Variants in FRY observed in about 807,000 individuals in gnomAD.
FRY encodes protein furry homolog.
FRY carries 128 observed loss-of-function variants against 348.4 expected under a neutral mutation model. The ratio of observed to expected loss-of-function variants is 0.37; its 90% CI spans 0.32 to 0.43. FRY has a LOEUF of 0.43. Ranked by LOEUF, FRY falls within the 20% of genes least tolerant of loss-of-function variation. The probability of loss-of-function intolerance (pLI) is 1.00; values close to 1 mark genes in which losing one functional copy is unlikely to be tolerated. For missense variants in FRY, 2,736 were observed against 3,695.2 expected (o/e 0.74, Z 6.73); for synonymous variants, 1,370 against 1,374.7 (o/e 1.00, Z 0.08).
In FRY at chr13:32,208,964, C is replaced by T. The variant is rs752058159; in HGVS notation, c.4130C>T (p.Pro1377Leu). 1.1e-5 allele frequency: 18 copies of T among 1,614,124 alleles called. No individual in the cohort carries two copies. Among genetic ancestry groups the T allele is most frequent in the East Asian group, 2.2e-5 (1 of 44,878 alleles). The change falls in exon 32 of 61, where the codon CCG (proline) becomes CTG (leucine). Residue 1377 changes from proline to leucine, a missense_variant. Pro to Leu is a moderately conservative substitution (Grantham distance 98). Around this residue, in one of 9 missense-constraint regions of FRY, gnomAD observed 794 missense variants for 977.0 expected, o/e 0.81. Transcript: ENST00000542859. Reference sequence around the variant, plus strand: ...CTGGTGGACAGCAGGCTCCTCCTCCCGGGGTCGAGCCCCAGCAGCCCAGAG... The same window carrying T: ...CTGGTGGACAGCAGGCTCCTCCTCCTGGGGTCGAGCCCCAGCAGCCCAGAG... ...IELVDSRLLL[P>L]GSSPSSPEDE...
At chr13:32,236,425 TG>T (rs777263830) in intron 43 of FRY, among the ~76,000 whole-genome samples, 1 of 152,196 alleles carries the variant, frequency 6.6e-6, no homozygotes, top group Non-Finnish European at 1.5e-5. Context: ...TATCTCTGAA[TG>T]ATAAAATATT....
Position 32,295,477 on chromosome 13 carries a change from C to A in FRY, c.*17C>A. ...AGTCTCTGACAGGAGCCTCCTGTCC[C>A]CACTGGGTTCCAAACTGGCAGTGCT... On this transcript the variant is annotated 3_prime_UTR_variant, in exon 61 of 61. Transcript: ENST00000542859. 6.2e-7 allele frequency: 1 copy of A among 1,606,500 alleles called. No homozygotes were observed. Among genetic ancestry groups the A allele is most frequent in the Non-Finnish European group, 8.5e-7 (1 of 1,178,382 alleles).
chr13:32,245,058 T>C (rs1886712816), intron 47 of FRY, among the ~76,000 whole-genome samples: 2 of 152,126 alleles, frequency 1.3e-5, no homozygotes, highest in South Asian at 4.1e-4. Context: ...CAAGCGATCC[T>C]TCTGCCTCAA....
At chr13:32,097,948 A>T (rs1025574648) in intron 2 of FRY, among the ~76,000 whole-genome samples, 12 of 147,346 alleles carry the variant, frequency 8.1e-5, no homozygotes, top group African/African-American at 2.4e-4. Context: ...AGTATTTTTA[A>T]AAAAATTTAA....
At position 32,179,006 on chromosome 13, in the gene FRY, T is replaced by C. The variant is rs780716554; in HGVS notation, c.2844T>C (p.Pro948=). The change falls in exon 22 of 61, where the codon CCT becomes CCC. Residue 948 remains proline (P), a synonymous_variant. Coordinates refer to ENST00000542859, the MANE Select transcript of FRY (RefSeq NM_023037.3). ...ASTPEIMATT[P]DGTVSYDNKA... ...CTCCAGAAATAATGGCGACCACACC[T>C]GATGGTACAGTGAGCTACGATAACA... 2 of 1,613,760 alleles carry C rather than the reference T, an allele frequency of 1.2e-6. No individual in the cohort carries two copies. The highest frequency in any genetic ancestry group is 1.7e-6 in the Non-Finnish European group (2 of 1,179,686).
At position 32,295,647 on chromosome 13, in the gene FRY, G is replaced by A; in HGVS notation, c.*187G>A. The A allele has an allele frequency of 1.6e-6, 1 of 623,592 alleles. No individual in the cohort carries two copies. Among genetic ancestry groups the A allele is most frequent in the Non-Finnish European group, 2.9e-6 (1 of 349,642 alleles). 38.6% of individuals were successfully genotyped at this position (623,592 alleles called of 1,614,324 possible). A position where few individuals can be genotyped will look rare whatever the true frequency, so the allele number is the denominator to read the frequency against. On this transcript the variant is annotated 3_prime_UTR_variant, in exon 61 of 61. Coordinates refer to ENST00000542859, the MANE Select transcript of FRY (RefSeq NM_023037.3). ...TAGCAATACTATAAGAACCAAGGTA[G>A]CTTAGAACGTCCTGGACAGACTCCA... is the stretch of plus-strand genomic sequence containing the variant.
At chr13:32,152,869 T>C (rs9595030) in intron 14 of FRY, among the ~76,000 whole-genome samples, 3,658 of 152,214 alleles carry the variant, frequency 0.024, 149 homozygotes, top group African/African-American at 0.083. Flanking sequence ...ATCTGACAAA[T>C]GACTTCCATC....
At chr13:32,151,945 T>G (rs1233115036) in intron 14 of FRY, among the ~76,000 whole-genome samples, 1 of 152,242 alleles carries the variant, frequency 6.6e-6, no homozygotes, top group East Asian at 1.9e-4. Flanking sequence ...AAGAAGTCTG[T>G]AGGATACAAG....
At chr13:32,279,866 T>C (rs991049548) in intron 58 of FRY, among the ~76,000 whole-genome samples, 7 of 152,190 alleles carry the variant, frequency 4.6e-5, no homozygotes, top group African/African-American at 1.7e-4. Context: ...AGTAACATTG[T>C]CCATGCCAGC....
At chr13:32,099,785 T>A (rs1272043722) in intron 2 of FRY, among the ~76,000 whole-genome samples, 2 of 151,906 alleles carry the variant, frequency 1.3e-5, no homozygotes, top group Non-Finnish European at 1.5e-5. Flanking sequence ...TCTCAAAATG[T>A]CAATAATGTC....
At position 32,179,726 on chromosome 13, in the gene FRY, A is replaced by T; in HGVS notation, c.2923A>T (p.Met975Leu). The T allele has an allele frequency of 6.2e-7, 1 of 1,613,710 alleles. No individual in the cohort carries two copies. The highest frequency in any genetic ancestry group is 8.5e-7 in the Non-Finnish European group (1 of 1,179,604). The change falls in exon 23 of 61, where the codon ATG becomes TTG. Residue 975 changes from methionine to leucine, a missense_variant. Met to Leu is a conservative substitution (Grantham distance 15, BLOSUM62 2). Transcript: ENST00000542859. ...TCTGTTAAAGCAGTTGGTGCCTTTG[A>T]TGAGACTAGAGAGCATTGAGATCAC... The part of the protein sequence containing the change: ...GVLLKQLVPL[M>L]RLESIEITES...
intron 26 of FRY, among the ~76,000 whole-genome samples, chr13:32,185,927 C>G (rs1365492960): frequency 6.6e-6 from 1 of 152,136 alleles, no homozygotes; most frequent in African/African-American, 2.4e-5. Context: ...AGATGGGCAG[C>G]AGTCAAAAAA....
At chr13:32,104,108 T>C in intron 3 of FRY, among the ~76,000 whole-genome samples, 1 of 152,202 alleles carries the variant, frequency 6.6e-6, no homozygotes, top group East Asian at 1.9e-4. Flanking sequence ...CTTTATCCTC[T>C]GAGAAAATCG....
chr13:32,097,323 A>G (rs1186677031), intron 2 of FRY, among the ~76,000 whole-genome samples: 1 of 151,154 alleles, frequency 6.6e-6, no homozygotes, highest in Non-Finnish European at 1.5e-5. Flanking sequence ...TATGTATAAA[A>G]GAAGTATTTT....
chr13:32,167,906 G>A (rs1234160216), intron 17 of FRY, among the ~76,000 whole-genome samples: 2 of 152,156 alleles, frequency 1.3e-5, no homozygotes, highest in East Asian at 1.9e-4. Flanking sequence ...GGCGAGTGAA[G>A]GAGTGTTTTC....
chr13:32,214,151 T>A (rs1379378160), intron 35 of FRY, among the ~76,000 whole-genome samples: 2 of 152,246 alleles, frequency 1.3e-5, no homozygotes, highest in African/African-American at 4.8e-5. Context: ...TTGTCTACTG[T>A]ATTCTTTTTT....
At chr13:32,052,124 T>C (rs1873363008) in intron 1 of FRY, among the ~76,000 whole-genome samples, 1 of 152,226 alleles carries the variant, frequency 6.6e-6, no homozygotes, top group African/African-American at 2.4e-5. Context: ...CTGGCATTTA[T>C]TGAGTGTGCT....
At chr13:32,203,831 C>T (rs1421308624) in intron 31 of FRY, among the ~76,000 whole-genome samples, 1 of 152,216 alleles carries the variant, frequency 6.6e-6, no homozygotes, top group East Asian at 1.9e-4. Context: ...ATCTCTATCA[C>T]CACCTCACCA....
chr13:32,110,430 C>T (rs749415519), intron 3 of FRY, among the ~76,000 whole-genome samples: 1 of 152,090 alleles, frequency 6.6e-6, no homozygotes, highest in Non-Finnish European at 1.5e-5. Context: ...CTCATCCAAC[C>T]GTGATGAGCG....
Sources: gnomAD v4.1 joint callset for allele counts (sites outside exome capture counted in the v4.1 genomes callset) on GRCh38, gnomAD v4.1.1 for gene constraint, gnomAD v4.1.1 regional missense constraint, MANE v1.5 for transcripts, NCBI Gene and HGNC (gene_info 2026-07-23, HGNC 2026-07-21) for gene names.